ENGASE: variants seen among roughly 807,000 people sequenced by gnomAD.
ENGASE encodes cytosolic endo-beta-N-acetylglucosaminidase.
Under a neutral mutation model 78.5 loss-of-function variants are expected in ENGASE, and 69 were observed. The ratio of observed to expected loss-of-function variants is 0.88; its 90% CI spans 0.72 to 1.07. ENGASE has a LOEUF of 1.07. ENGASE is among the 50% of genes least tolerant of loss of function. The probability of loss-of-function intolerance (pLI) is 0.00; values close to 1 mark genes in which losing one functional copy is unlikely to be tolerated. For synonymous variants in ENGASE, 408 were observed against 408.9 expected, an observed-to-expected ratio of 1.00 and a Z score of 0.03; for missense variants, 943 against 988.4, an observed-to-expected ratio of 0.95 and a Z score of 0.62.
Position 79,083,839 on chromosome 17 carries a change from G to T in ENGASE, c.1330G>T (p.Asp444Tyr). The change falls in exon 10 of 14, where the codon GAT (aspartate) becomes TAT (tyrosine). Residue 444 changes from aspartate to tyrosine, a missense_variant. Transcript: ENST00000579016. This position sits in a 1 kb window ranked among gnomAD's most constrained non-coding sequence, Gnocchi z 4.9. ...GTTTGGAGAACACAGGCTGGGAGGG[G>T]ATGGCCGGGGCTGGGTGAGGACGCA... ...PLFGEHRLGG[D>Y]GRGWVRTHCC... is the part of the protein sequence containing the mutation. The T allele has an allele frequency of 6.2e-7, 1 of 1,612,854 alleles. No homozygotes were observed. The highest frequency in any genetic ancestry group is 8.5e-7 in the Non-Finnish European group (1 of 1,179,754).
chr17:79,082,791 T>G (rs1468167379), intron 7 of ENGASE: 2 of 1,482,956 alleles, frequency 1.3e-6, no homozygotes, highest in Non-Finnish European at 1.8e-6. Flanking sequence ...CCTGCCCCCC[T>G]GCCCTTGCAG....
At chr17:79,075,185 C>G in intron 1 of ENGASE, 95 bp downstream of exon 1, 79 of 1,155,584 alleles carry the variant, frequency 6.8e-5, no homozygotes, top group Non-Finnish European at 7.8e-5. Flanking sequence ...CGCCGAGGGG[C>G]GGGGGGCCGG....
rs768518441 is a variant in ENGASE at position 79,074,983 on chromosome 17, A to ACGG, written c.53_55dup (p.Arg18dup). ...CGGTGACGGTCACCCGGTCGGCTAC[A>ACGG]CGGCGGCGGCGGCGGCAGCTGCAGG... On this transcript the variant is annotated inframe_insertion, in exon 1 of 14. Transcript: ENST00000579016. The ACGG allele has an allele frequency of 2.4e-5, 29 of 1,230,168 alleles. No homozygotes were observed. In the East Asian group the frequency reaches 5.3e-4, roughly 23 times the overall value. 76.2% of individuals were successfully genotyped at this position (1,230,168 alleles called of 1,614,324 possible). A position where few individuals can be genotyped will look rare whatever the true frequency, so the allele number is the denominator to read the frequency against.
In ENGASE at chr17:79,081,968, C is replaced by T; in HGVS notation, c.943C>T (p.Leu315=). 1 of 1,614,162 alleles carries T rather than the reference C, an allele frequency of 6.2e-7. No homozygotes were observed. Among genetic ancestry groups the T allele is most frequent in the South Asian group, 1.1e-5 (1 of 91,080 alleles). ...NWREEHLERM[L]GQAGERRADV... is the part of the protein sequence containing the mutation. ...GCGGGAGGAGCACTTGGAGCGGATG[C>T]TGGGGCAGGCTGGGGAGCGCCGGGC... The change falls in exon 7 of 14, where the codon CTG becomes TTG. Residue 315 remains leucine (L), a synonymous_variant. Transcript: ENST00000579016.
intron 7 of ENGASE, 87 bp from the exon 8 acceptor site, chr17:79,082,933 T>C: frequency 6.3e-7 from 1 of 1,581,804 alleles, no homozygotes. Flanking sequence ...TGAGCTGCCC[T>C]GAGAGCCCCA....
chr17:79,076,425 G>A (rs868183291), intron 1 of ENGASE, among the ~76,000 whole-genome samples: 3 of 152,184 alleles, frequency 2.0e-5, no homozygotes, highest in East Asian at 1.9e-4. Flanking sequence ...TTAGTCAGGC[G>A]TGGTGGCAGA....
Position 79,080,264 on chromosome 17 carries a change from GGGA to G in ENGASE, c.624_626del (p.Asp209del). The G allele has an allele frequency of 6.2e-7, 1 of 1,613,666 alleles. No individual in the cohort carries two copies. The highest frequency in any genetic ancestry group is 8.5e-7 in the Non-Finnish European group (1 of 1,179,752). ...AGGCTCTGTGAAGCCTTCCTGGCCG[GGGA>G]TGAGCGCTCGTACCAGGCAGTGGCT... On this transcript the variant is annotated inframe_deletion, in exon 5 of 14. Transcript: ENST00000579016.
intron 1 of ENGASE, among the ~76,000 whole-genome samples, chr17:79,075,432 C>T (rs924870768): frequency 2.0e-5 from 3 of 152,402 alleles, no homozygotes; most frequent in East Asian, 1.9e-4. Context: ...AAGATCCCGG[C>T]GGCGGTGCTC....
At chr17:79,076,006 G>A (rs2145966550) in intron 1 of ENGASE, 1 of 597,686 alleles carries the variant, frequency 1.7e-6, no homozygotes, top group Non-Finnish European at 2.1e-6. Flanking sequence ...AACAACTGCG[G>A]CATCTCTGCT....
intron 7 of ENGASE, chr17:79,082,573 G>A: frequency 8.1e-7 from 1 of 1,235,698 alleles, no homozygotes; most frequent in Non-Finnish European, 1.0e-6. Flanking sequence ...CCTGGCGTGG[G>A]ATGCGCAGGG....
At chr17:79,077,338 T>C in intron 1 of ENGASE, 92 bp from the exon 2 acceptor site, 1 of 1,092,582 alleles carries the variant, frequency 9.2e-7, no homozygotes, top group Non-Finnish European at 1.3e-6. Context: ...AGAATATCTC[T>C]CTGTGTTTAG....
In ENGASE at chr17:79,087,765, A is replaced by G. The variant is rs2073370347; in HGVS notation, c.*1416A>G. The stretch of plus-strand genomic sequence containing the variant: ...TCACCCTGCAGTGAGGGAAGAGGCC[A>G]CCAGGTGGCAGCACAGCCACACCCG... On this transcript the variant is annotated 3_prime_UTR_variant, in exon 14 of 14. Coordinates refer to ENST00000579016, the MANE Select transcript of ENGASE (RefSeq NM_001042573.3). 1 of 152,258 alleles carries G rather than the reference A, an allele frequency of 6.6e-6. No homozygotes were observed. The allele number at this position is 152,258 out of a possible 1,614,324, so 9.4% of individuals were successfully genotyped here.
chr17:79,087,021 G>GT lies in ENGASE; in HGVS notation c.*673dup, dbSNP rs1384908932. 42 of 500,578 alleles carry GT rather than the reference G, an allele frequency of 8.4e-5. No individual in the cohort carries two copies. The Admixed American group carries it at 8.6e-4, about 10-fold the overall frequency. The allele number at this position is 500,578 out of a possible 1,614,324, so 31.0% of individuals were successfully genotyped here. On this transcript the variant is annotated 3_prime_UTR_variant, in exon 14 of 14. Transcript: ENST00000579016. ...AATTTACTGTGCTGCTGAGTGTGAG[G>GT]TCATCTCCGGAGCGTTTTCAGCAGC...
chr17:79,076,836 G>C (rs1371612227), intron 1 of ENGASE, among the ~76,000 whole-genome samples: 1 of 152,108 alleles, frequency 6.6e-6, no homozygotes, highest in African/African-American at 2.4e-5. Flanking sequence ...TGGTCTTTGT[G>C]GTATTGGGGT....
At position 79,086,352 on chromosome 17, in the gene ENGASE, G is replaced by C; in HGVS notation, c.*3G>C. On this transcript the variant is annotated 3_prime_UTR_variant, in exon 14 of 14. Coordinates refer to ENST00000579016, the MANE Select transcript of ENGASE (RefSeq NM_001042573.3). ...TGCTTTATTCAGCCCCTGCATGAGCGGATGCTAAGGCCGGGTGGTCTCCTG... is the reference window on the plus strand; with the variant it reads ...TGCTTTATTCAGCCCCTGCATGAGCCGATGCTAAGGCCGGGTGGTCTCCTG... 6.2e-7 allele frequency: 1 copy of C among 1,606,692 alleles called. No homozygotes were observed.
chr17:79,076,499 G>A (rs1599330166), intron 1 of ENGASE, among the ~76,000 whole-genome samples: 1 of 152,358 alleles, frequency 6.6e-6, no homozygotes, highest in South Asian at 2.1e-4. Context: ...AGGAACTGGA[G>A]GTTGCAGTGA....
chr17:79,082,768 T>G (rs546816063), intron 7 of ENGASE: 3 of 1,462,262 alleles, frequency 2.1e-6, no homozygotes, highest in Admixed American at 2.1e-5. Context: ...CCACAGCCAG[T>G]TGGGGCCCAG....
rs774755422 is a variant in ENGASE at position 79,084,691 on chromosome 17, G to A, written c.1591+5G>A. The stretch of plus-strand genomic sequence containing the variant: ...GTGGCATCTCAGTGTTGAACGGTGA[G>A]GTAATGGGGCCCAGGCCTGCCTCTG... On this transcript the variant is annotated splice_donor_5th_base_variant and intron_variant, in intron 11 of 13. Coordinates refer to ENST00000579016, the MANE Select transcript of ENGASE (RefSeq NM_001042573.3). 3.1e-6 allele frequency: 5 copies of A among 1,612,316 alleles called. No individual in the cohort carries two copies. Among genetic ancestry groups the A allele is most frequent in the Admixed American group, 1.7e-5 (1 of 59,672 alleles).
intron 3 of ENGASE, among the ~76,000 whole-genome samples, chr17:79,078,476 G>A (rs72853344): frequency 0.28 from 41,906 of 151,942 alleles, 5,983 homozygotes; most frequent in East Asian, 0.35. Context: ...AGCAGGCAGG[G>A]GGTCCTCTTC....
Sources: gnomAD v4.1 joint callset for allele counts (sites outside exome capture counted in the v4.1 genomes callset) on GRCh38, gnomAD v4.1.1 for gene constraint, Gnocchi (gnomAD v3.1) non-coding constraint, MANE v1.5 for transcripts, NCBI Gene and HGNC (gene_info 2026-07-23, HGNC 2026-07-21) for gene names.